CCDC170: variants seen among roughly 807,000 people sequenced by gnomAD.
The protein encoded by CCDC170 is coiled-coil domain containing 170.
A neutral mutation model predicts 72.6 loss-of-function variants in CCDC170; 69 were observed. The observed-to-expected ratio is 0.95, with a 90% confidence interval of 0.78 to 1.16. The LOEUF (loss-of-function observed/expected upper bound fraction) is 1.16, where lower values mean the gene tolerates loss of function less well. CCDC170 is among the 50% of genes most tolerant of loss of function. The pLI is 0.00. For synonymous variants in CCDC170, 300 were observed against 303.9 expected (o/e 0.99, Z 0.13); for missense variants, 852 against 832.5 (o/e 1.02, Z -0.29).
chr6:151,592,364 T>A (rs1776554416), intron 7 of CCDC170, among the ~76,000 whole-genome samples: 1 of 151,684 alleles, frequency 6.6e-6, no homozygotes, highest in South Asian at 2.1e-4. Context: ...TGTCTCAAAA[T>A]AAATAAATAA....
intron 9 of CCDC170, among the ~76,000 whole-genome samples, chr6:151,612,964 G>C (rs1215310298): frequency 7.6e-6 from 1 of 130,906 alleles, no homozygotes; most frequent in Non-Finnish European, 1.6e-5. Context: ...TGTTTGCTTT[G>C]TTTGCTCTTT....
At chr6:151,552,506 A>G (rs1480743195) in intron 5 of CCDC170, among the ~76,000 whole-genome samples, 1 of 152,192 alleles carries the variant, frequency 6.6e-6, no homozygotes, top group Non-Finnish European at 1.5e-5. Flanking sequence ...TCTTCTCTAA[A>G]GAAAAGCTTT....
rs1277649573 is a variant in CCDC170, at chr6:151,511,687, G to A, written c.57+17502G>A. 2.6e-5 allele frequency among the ~76,000 whole-genome samples: 4 copies of A among 152,150 alleles called. No homozygotes were observed. The East Asian group carries it at 7.7e-4, about 29-fold the overall frequency. On this transcript the variant is annotated intron_variant, in intron 1 of 10. Transcript: ENST00000239374. Reference sequence around the variant, plus strand: ...CAGACACAGTACTGGAAAACAGAGGGCCTGCTCTCACGGAGCTTACATTCT... The same window carrying A: ...CAGACACAGTACTGGAAAACAGAGGACCTGCTCTCACGGAGCTTACATTCT...
chr6:151,591,505 T>C (rs1776534298), intron 7 of CCDC170, among the ~76,000 whole-genome samples: 1 of 152,080 alleles, frequency 6.6e-6, no homozygotes, highest in South Asian at 2.1e-4. Flanking sequence ...AAACAATTTT[T>C]TTTTTTTGAG....
chr6:151,497,952 C>CAAAAAAAAAAAAAAAA, intron 1 of CCDC170, among the ~76,000 whole-genome samples: 1 of 58,048 alleles, frequency 1.7e-5, no homozygotes, highest in Non-Finnish European at 3.4e-5. Context: ...CACACCATCT[C>CAAAAAAAAAAAAAAAA]AAAAAAAAAA....
At position 151,618,121 on chromosome 6, in the gene CCDC170, C is replaced by G; in HGVS notation, c.2122C>G (p.Gln708Glu). ...DVTTGQERHP[Q>E]GHLQLLH ...GACTACTGGGCAAGAGAGGCACCCA[C>G]AAGGCCATTTACAGCTTCTTCATTG... The change falls in exon 11 of 11, where the codon CAA (glutamine) becomes GAA (glutamate). Residue 708 changes from glutamine (Q) to glutamate (E), a missense_variant. Physicochemically the swap from Gln to Glu is conservative, Grantham distance 29. Transcript: ENST00000239374. 2 of 1,614,116 alleles carry G rather than the reference C, an allele frequency of 1.2e-6. No individual in the cohort carries two copies. The highest frequency in any genetic ancestry group is 1.7e-6 in the Non-Finnish European group (2 of 1,180,012).
intron 1 of CCDC170, among the ~76,000 whole-genome samples, chr6:151,516,753 G>C (rs1002081385): frequency 2.6e-5 from 4 of 152,176 alleles, no homozygotes; most frequent in Non-Finnish European, 4.4e-5. Context: ...TCTGATTTAC[G>C]TAGGGCCCAG....
intron 1 of CCDC170, among the ~76,000 whole-genome samples, chr6:151,517,199 G>A (rs1347009975): frequency 6.6e-6 from 1 of 152,068 alleles, no homozygotes; most frequent in Non-Finnish European, 1.5e-5. Flanking sequence ...AAGTGTGGTG[G>A]CACATGCCTA....
At chr6:151,538,981 G>T (rs1782636402) in intron 3 of CCDC170, among the ~76,000 whole-genome samples, 1 of 151,990 alleles carries the variant, frequency 6.6e-6, no homozygotes, top group African/African-American at 2.4e-5. Flanking sequence ...TGTATGTATG[G>T]CCGGGCATGG....
chr6:151,547,723 C>T (rs1217854385), intron 4 of CCDC170, among the ~76,000 whole-genome samples: 1 of 152,164 alleles, frequency 6.6e-6, no homozygotes, highest in Non-Finnish European at 1.5e-5. Context: ...AAGGAGCCTG[C>T]TGGCTTTTAT....
In CCDC170 at chr6:151,590,575, T is replaced by C. The variant is rs1327167824; in HGVS notation, c.1294-2532T>C. Among the ~76,000 whole-genome samples the C allele has an allele frequency of 2.6e-5, 4 of 152,354 alleles. No individual in the cohort carries two copies. In the East Asian group the frequency reaches 7.7e-4, roughly 29 times the overall value. ...GTTTAAATGCTAAATGCAGGTAATC[T>C]GGCAGACTCAAAGACAGTAGAATGC... On this transcript the variant is annotated intron_variant, in intron 7 of 10. Coordinates refer to ENST00000239374, the MANE Select transcript of CCDC170 (RefSeq NM_025059.4).
At chr6:151,592,329 C>T (rs984554099) in intron 7 of CCDC170, among the ~76,000 whole-genome samples, 7 of 152,126 alleles carry the variant, frequency 4.6e-5, no homozygotes, top group Admixed American at 2.6e-4. Flanking sequence ...CACTGTACTC[C>T]AGCCTGGGTG....
In CCDC170 at chr6:151,618,136, C is replaced by A; in HGVS notation, c.2137C>A (p.Leu713Ile). ...QERHPQGHLQ[L>I]LH ...GAGGCACCCACAAGGCCATTTACAG[C>A]TTCTTCATTGAACACTGTATCTCTT... The change falls in exon 11 of 11, where the codon CTT (leucine) becomes ATT (isoleucine). Residue 713 changes from leucine to isoleucine, a missense_variant. Transcript: ENST00000239374. The A allele has an allele frequency of 6.2e-7, 1 of 1,613,850 alleles. No individual in the cohort carries two copies. The highest frequency in any genetic ancestry group is 2.2e-5 in the East Asian group (1 of 44,880).
intron 6 of CCDC170, among the ~76,000 whole-genome samples, chr6:151,575,373 C>A: frequency 6.8e-6 from 1 of 146,218 alleles, no homozygotes; most frequent in Non-Finnish European, 1.5e-5. Context: ...TTCAAGCTTG[C>A]AGTGAGCCGA....
rs9371527 is a variant in CCDC170 at position 151,499,243 on chromosome 6, T to C, written c.57+5058T>C. On this transcript the variant is annotated intron_variant, in intron 1 of 10. Transcript: ENST00000239374. ...GTATTTGACTCTTCTAGGCATGCTG[T>C]ATAAGTGGAATCAGACTGTATTTGA... Among the ~76,000 whole-genome samples the C allele has an allele frequency of 2.3e-5, 3 of 131,940 alleles. 1 individual carries two copies. 86.6% of individuals were successfully genotyped at this position (131,940 alleles called of 152,430 possible).
At chr6:151,587,989 A>G (rs1168915794) in intron 7 of CCDC170, among the ~76,000 whole-genome samples, 1 of 152,098 alleles carries the variant, frequency 6.6e-6, no homozygotes, top group African/African-American at 2.4e-5. Context: ...GAGGTGTGAA[A>G]AGAAGGCTCA....
At chr6:151,497,952 CAAAAAAAAAAAA>C (rs59201906) in intron 1 of CCDC170, among the ~76,000 whole-genome samples, 2 of 58,048 alleles carry the variant, frequency 3.4e-5, no homozygotes, top group African/African-American at 6.3e-5. Context: ...CACACCATCT[CAAAAAAAAAAAA>C]AAAAAAAAAA....
At chr6:151,510,842 T>A (rs952886421) in intron 1 of CCDC170, among the ~76,000 whole-genome samples, 1 of 152,122 alleles carries the variant, frequency 6.6e-6, no homozygotes, top group African/African-American at 2.4e-5. Context: ...TTTAAGCAAT[T>A]CTCCTGCCTC....
At chr6:151,562,548 G>A (rs753277503) in intron 5 of CCDC170, among the ~76,000 whole-genome samples, 1 of 152,100 alleles carries the variant, frequency 6.6e-6, no homozygotes, top group Non-Finnish European at 1.5e-5. Context: ...TGTTGAAGCT[G>A]TATTTTGGCT....
Sources: allele counts gnomAD v4.1 joint callset (sites outside exome capture counted in the v4.1 genomes callset), GRCh38; gene constraint gnomAD v4.1.1; transcripts MANE v1.5; gene names NCBI Gene and HGNC (gene_info 2026-07-23, HGNC 2026-07-21).